Variants in HSPG2 observed in about 807,000 individuals in gnomAD.
The protein encoded by HSPG2 is heparan sulfate proteoglycan 2, also known as basement membrane-specific heparan sulfate proteoglycan core protein.
In HSPG2, 278 loss-of-function variants were observed where a neutral mutation model predicts 526.6. That is an observed-to-expected ratio of 0.53 (90% CI 0.48 to 0.58). The LOEUF is 0.58. Ranked by LOEUF, HSPG2 falls within the 20% of genes least tolerant of loss-of-function variation. The pLI is 0.00. For synonymous variants in HSPG2, 2,465 were observed against 2,555.4 expected (o/e 0.96, Z 1.07); for missense variants, 5,354 against 6,099.5 (o/e 0.88, Z 4.07).
At position 21,822,788 on chromosome 1, in the gene HSPG2, A is replaced by T. The variant is rs1221418904; in HGVS notation, c.*528T>A. Reference sequence around the variant, plus strand: ...AGGTGGGTGGGGGTGCTGAAAAACGAGCTGGTGGGGATGGGGACCGCCTGC... The same window carrying T: ...AGGTGGGTGGGGGTGCTGAAAAACGTGCTGGTGGGGATGGGGACCGCCTGC... On this transcript the variant is annotated 3_prime_UTR_variant, in exon 97 of 97. Transcript: ENST00000374695. 6.3e-6 allele frequency: 1 copy of T among 159,302 alleles called. No homozygotes were observed. The highest frequency in any genetic ancestry group is 1.4e-5 in the Non-Finnish European group (1 of 72,592). The allele number at this position is 159,302 out of a possible 1,614,324, so 9.9% of individuals were successfully genotyped here. A position where few individuals can be genotyped will look rare whatever the true frequency, so the allele number is the denominator to read the frequency against.
intron 3 of HSPG2, among the ~76,000 whole-genome samples, chr1:21,891,769 C>T (rs1012949336): frequency 1.3e-5 from 2 of 152,258 alleles, no homozygotes; most frequent in African/African-American, 2.4e-5. Context: ...TGCCACCATG[C>T]CCAGCTAATG....
chr1:21,877,036 G>A (rs2077271), intron 21 of HSPG2, among the ~76,000 whole-genome samples: 69,104 of 141,712 alleles, frequency 0.49, 20,220 homozygotes, highest in Middle Eastern at 0.71. Flanking sequence ...TCCAGCCTAC[G>A]CGATGGGAGC....
In HSPG2 at chr1:21,895,964, C is replaced by T. The variant is rs746978748; in HGVS notation, c.202G>A (p.Asp68Asn). The T allele has an allele frequency of 1.5e-5, 25 of 1,613,900 alleles. No individual in the cohort carries two copies. Among genetic ancestry groups the T allele is most frequent in the South Asian group, 3.3e-5 (3 of 91,070 alleles). Residue 68 changes from aspartate to asparagine, a missense_variant and splice_region_variant, in exon 3 of 97, where the codon GAC (aspartate) becomes AAC (asparagine). Physicochemically the swap from Asp to Asn is conservative, Grantham distance 23 (BLOSUM62 1). Coordinates refer to ENST00000374695, the MANE Select transcript of HSPG2 (RefSeq NM_005529.7). The surrounding 1 kb of genome is among the most constrained non-coding windows in gnomAD (Gnocchi z 4.1). ...DMLADSISGD[D>N]LGSGDLGSGD... is the part of the protein sequence containing the mutation. ...CTGCCCAGGTCCCCACTGCCCAGGT[C>T]GTCTATAAGCAAAAAAGAGATGTAA...
rs139873789 is a variant in HSPG2, at chr1:21,887,500, C to A, written c.878G>T (p.Arg293Leu). 3.1e-6 allele frequency: 5 copies of A among 1,613,972 alleles called. No individual in the cohort carries two copies. The highest frequency in any genetic ancestry group is 1.3e-5 in the African/African-American group (1 of 75,048). ...GTCTCTGGGGATGCAGTGCCCATTG[C>A]GGCATGCGGCCTCCTGGGGCCCACA... ...LPCGPQEAAC[R>L]NGHCIPRDYL... The change falls in exon 8 of 97, where the codon CGC (arginine) becomes CTC (leucine). Residue 293 changes from arginine (R) to leucine (L), a missense_variant. Arg to Leu is a moderately radical substitution (Grantham distance 102). Transcript: ENST00000374695. The surrounding 1 kb of genome is among the most constrained non-coding windows in gnomAD (Gnocchi z 5.0).
chr1:21,844,186 A>G lies in HSPG2; in HGVS notation c.8578T>C (p.Trp2860Arg). ...GGGAGGTTTCCTCCACGCTTGTGCC[A>G]CGTGACCTGGGCGTGGGCCTGCCCG... ...VPGQAHAQVT[W>R]HKRGGNLPAR... is the part of the protein sequence containing the mutation. The change falls in exon 65 of 97, where the codon TGG becomes CGG. Residue 2860 changes from tryptophan (W) to arginine (R), a missense_variant. Trp to Arg is a moderately radical substitution (Grantham distance 101). Transcript: ENST00000374695. 1 of 1,613,758 alleles carries G rather than the reference A, an allele frequency of 6.2e-7. No individual in the cohort carries two copies. Among genetic ancestry groups the G allele is most frequent in the South Asian group, 1.1e-5 (1 of 91,074 alleles).
At position 21,865,203 on chromosome 1, in the gene HSPG2, C is replaced by G. The variant is rs1326669377; in HGVS notation, c.4395+82G>C. 1 of 1,528,132 alleles carries G rather than the reference C, an allele frequency of 6.5e-7. No individual in the cohort carries two copies. Among genetic ancestry groups the G allele is most frequent in the East Asian group, 2.2e-5 (1 of 44,458 alleles). 94.7% of individuals were successfully genotyped at this position (1,528,132 alleles called of 1,614,324 possible). ...CAGGTGAAGGTTGGGGAGCGAGAGA[C>G]AGGGTGGGTATCAAAGCCAGGCTCT... is the stretch of plus-strand genomic sequence containing the variant. On this transcript the variant is annotated intron_variant, in intron 35 of 96. Transcript: ENST00000374695. This position sits in a 1 kb window ranked among gnomAD's most constrained non-coding sequence, Gnocchi z 5.4.
Position 21,828,562 on chromosome 1 carries a change from G to T in HSPG2, c.12238-136C>A. 1 of 985,578 alleles carries T rather than the reference G, an allele frequency of 1.0e-6. No individual in the cohort carries two copies. Among genetic ancestry groups the T allele is most frequent in the Non-Finnish European group, 1.5e-6 (1 of 658,212 alleles). The allele number at this position is 985,578 out of a possible 1,614,324, so 61.1% of individuals were successfully genotyped here. A position where few individuals can be genotyped will look rare whatever the true frequency, so the allele number is the denominator to read the frequency against. On this transcript the variant is annotated intron_variant, in intron 88 of 96. Transcript: ENST00000374695. The surrounding 1 kb of genome is among the most constrained non-coding windows in gnomAD (Gnocchi z 6.0). The stretch of plus-strand genomic sequence containing the variant: ...CTGAGTGGTAGCATGGATTCTCGGT[G>T]TGGGGAGGGAGGCGCAGGAGTTGAG...
At chr1:21,827,748 C>T in intron 91 of HSPG2, 115 bp downstream of exon 91, 3 of 1,089,382 alleles carry the variant, frequency 2.8e-6, no homozygotes, top group South Asian at 2.7e-5. Flanking sequence ...TGTCTCTCTG[C>T]CCAGCAAGCT....
rs2254358 is a variant in HSPG2, at chr1:21,890,081, C to A, written c.474G>T (p.Gly158=). 1,015,465 of 1,613,166 alleles carry A rather than the reference C, an allele frequency of 0.63. 328,190 individuals are homozygous for A. The highest frequency in any genetic ancestry group is 0.68 in the Middle Eastern group (4,093 of 6,056). ...LDVGSEGNAD[G]AQIQEMLLRV... ...TGAGCAGCATCTCCTGAATCTGAGCCCCATCCGCATTCCCTTCCGAGCCCA... is the reference window on the plus strand; with the variant it reads ...TGAGCAGCATCTCCTGAATCTGAGCACCATCCGCATTCCCTTCCGAGCCCA... The change falls in exon 6 of 97, where the codon GGG becomes GGT. Residue 158 remains glycine, a synonymous_variant. Transcript: ENST00000374695. The surrounding 1 kb of genome is among the most constrained non-coding windows in gnomAD (Gnocchi z 4.1).
In HSPG2 at chr1:21,864,272, G is replaced by C. The variant is rs906906540; in HGVS notation, c.4627-59C>G. ...CAACGTGCCCCACCCACAGCCAGCA[G>C]ACCCAGAACCCCTCCCTCCAGTGTC... On this transcript the variant is annotated intron_variant, in intron 36 of 96. Coordinates refer to ENST00000374695, the MANE Select transcript of HSPG2 (RefSeq NM_005529.7). This position sits in a 1 kb window ranked among gnomAD's most constrained non-coding sequence, Gnocchi z 4.8. 7.3e-7 allele frequency: 1 copy of C among 1,366,706 alleles called. No individual in the cohort carries two copies. Among genetic ancestry groups the C allele is most frequent in the South Asian group, 1.2e-5 (1 of 80,266 alleles). 84.7% of individuals were successfully genotyped at this position (1,366,706 alleles called of 1,614,324 possible). A position where few individuals can be genotyped will look rare whatever the true frequency, so the allele number is the denominator to read the frequency against.
At chr1:21,931,503 A>AGAGGTAGGCCCTGGGACG (rs1644349946) in intron 1 of HSPG2, among the ~76,000 whole-genome samples, 1 of 152,174 alleles carries the variant, frequency 6.6e-6, no homozygotes. Flanking sequence ...GCCCTGGGAC[A>AGAGGTAGGCCCTGGGACG]GGGAGAGGTA....
intron 55 of HSPG2, chr1:21,851,210 C>T (rs1323269854): frequency 8.3e-6 from 3 of 362,482 alleles, no homozygotes; most frequent in African/African-American, 4.2e-5. Flanking sequence ...CGACCTCAGG[C>T]GATTCGCCCA....
rs750115746 is a variant in HSPG2 at position 21,831,772 on chromosome 1, G to T, written c.11232C>A (p.Ala3744=). Residue 3744 remains alanine, a synonymous_variant, in exon 82 of 97, where the codon GCC becomes GCA. Coordinates refer to ENST00000374695, the MANE Select transcript of HSPG2 (RefSeq NM_005529.7). ...CCAGTGGTGTGGGATGGCGGATGGT[G>T]GCCATGCCTGAGCCTGCATCGAACC... ...EFRFDAGSGM[A]TIRHPTPLAL... The T allele has an allele frequency of 2.5e-6, 4 of 1,602,852 alleles. No homozygotes were observed. Among genetic ancestry groups the T allele is most frequent in the Non-Finnish European group, 3.4e-6 (4 of 1,172,360 alleles).
At position 21,847,332 on chromosome 1, in the gene HSPG2, T is replaced by C; in HGVS notation, c.8164+22A>G. On this transcript the variant is annotated intron_variant, in intron 62 of 96. Coordinates refer to ENST00000374695, the MANE Select transcript of HSPG2 (RefSeq NM_005529.7). The surrounding 1 kb of genome is among the most constrained non-coding windows in gnomAD (Gnocchi z 4.1). ...GGAACACTGTTGCCTGCATCCCTCG[T>C]CCCTTTCCTAGGCAGACTCACCGGA... is the stretch of plus-strand genomic sequence containing the variant. 2.5e-6 allele frequency: 4 copies of C among 1,613,666 alleles called. No individual in the cohort carries two copies. Among genetic ancestry groups the C allele is most frequent in the Non-Finnish European group, 3.4e-6 (4 of 1,179,932 alleles).
Position 21,828,775 on chromosome 1 carries a change from A to G in HSPG2, c.12237+60T>C. ...CAATGCCAAGGTGCTTGGAGAGCCG[A>G]GGGGGACACAAGGCTTGGCACCCCT... On this transcript the variant is annotated intron_variant, in intron 88 of 96. Coordinates refer to ENST00000374695, the MANE Select transcript of HSPG2 (RefSeq NM_005529.7). This position sits in a 1 kb window ranked among gnomAD's most constrained non-coding sequence, Gnocchi z 6.0. 1.9e-6 allele frequency: 3 copies of G among 1,548,228 alleles called. No homozygotes were observed. The highest frequency in any genetic ancestry group is 2.6e-6 in the Non-Finnish European group (3 of 1,146,470).
At chr1:21,878,514 A>G (rs760439305) in intron 19 of HSPG2, 23 bp from the exon 20 acceptor site, 33 of 1,613,614 alleles carry the variant, frequency 2.0e-5, no homozygotes, top group Non-Finnish European at 2.5e-5. Flanking sequence ...GGGGGCCGCC[A>G]TCAGCACTTC....
At position 21,851,786 on chromosome 1, in the gene HSPG2, C is replaced by T. The variant is rs1208832174; in HGVS notation, c.7006+5G>A. Reference sequence around the variant, plus strand: ...ATCCCAGCCCAGCCTGGTGGCCCCACTCACGGTAGGCTAAGTTGGCCCCCT... The same window carrying T: ...ATCCCAGCCCAGCCTGGTGGCCCCATTCACGGTAGGCTAAGTTGGCCCCCT... On this transcript the variant is annotated splice_donor_5th_base_variant and intron_variant, in intron 54 of 96. Coordinates refer to ENST00000374695, the MANE Select transcript of HSPG2 (RefSeq NM_005529.7). The T allele has an allele frequency of 1.9e-6, 3 of 1,614,004 alleles. No individual in the cohort carries two copies. The highest frequency in any genetic ancestry group is 2.2e-5 in the East Asian group (1 of 44,892).
In HSPG2 at chr1:21,831,505, A is replaced by G; in HGVS notation, c.11410T>C (p.Tyr3804His). Residue 3804 changes from tyrosine to histidine, a missense_variant, in exon 83 of 97, where the codon TAT becomes CAT. Transcript: ENST00000374695. ...AGCCCCGCCTTGGGGATGGCACCAT[A>G]GTCAGGATAGCCACCCAGGTAGAGT... ...EELYLGGYPDYGAIPKAGLSS... is the reference protein window; with the variant it reads ...EELYLGGYPDHGAIPKAGLSS... 6.2e-7 allele frequency: 1 copy of G among 1,614,122 alleles called. No individual in the cohort carries two copies. Among genetic ancestry groups the G allele is most frequent in the Non-Finnish European group, 8.5e-7 (1 of 1,179,972 alleles).
rs1638580831 is a variant in HSPG2, at chr1:21,847,942, C to G, written c.7873+16G>C. The stretch of plus-strand genomic sequence containing the variant: ...CTGCGCCACTTGTCTGTACCCCCTG[C>G]CCTCTCTGCTCTCACCGTGGGAGGA... On this transcript the variant is annotated intron_variant, in intron 60 of 96. Coordinates refer to ENST00000374695, the MANE Select transcript of HSPG2 (RefSeq NM_005529.7). The surrounding 1 kb of genome is among the most constrained non-coding windows in gnomAD (Gnocchi z 4.1). 4.3e-6 allele frequency: 7 copies of G among 1,613,692 alleles called. No homozygotes were observed. The highest frequency in any genetic ancestry group is 5.9e-6 in the Non-Finnish European group (7 of 1,180,018).
Sources: allele counts gnomAD v4.1 joint callset (sites outside exome capture counted in the v4.1 genomes callset), GRCh38; gene constraint gnomAD v4.1.1; non-coding constraint Gnocchi (gnomAD v3.1); transcripts MANE v1.5; gene names NCBI Gene and HGNC (gene_info 2026-07-23, HGNC 2026-07-21).